RNF170: variants seen among roughly 807,000 people sequenced by gnomAD.
The protein encoded by RNF170 is ring finger protein 170.
RNF170 carries 12 observed loss-of-function variants against 32.7 expected under a neutral mutation model. The ratio of observed to expected loss-of-function variants is 0.37; its 90% CI spans 0.24 to 0.60. The LOEUF (loss-of-function observed/expected upper bound fraction) is 0.60. Among genes scored for constraint, RNF170 ranks in the 20% least tolerant of loss-of-function variants. The probability of loss-of-function intolerance (pLI) is 0.72; values close to 1 mark genes in which losing one functional copy is unlikely to be tolerated. For synonymous variants in RNF170, 91 were observed against 103.6 expected, an observed-to-expected ratio of 0.88 and a Z score of 0.74; for missense variants, 212 against 311.2, an observed-to-expected ratio of 0.68 and a Z score of 2.40.
At chr8:42,867,775 C>CAAAAAA (rs1054907767) in intron 4 of RNF170, among the ~76,000 whole-genome samples, 507 of 20,052 alleles carry the variant, frequency 0.025, no homozygotes, top group Middle Eastern at 0.075. Context: ...GACTCCATCT[C>CAAAAAA]AAAAAAAAAA....
At position 42,859,752 on chromosome 8, in the gene RNF170, A is replaced by G. The variant is rs1317824989; in HGVS notation, c.507+1993T>C. 2.6e-5 allele frequency among the ~76,000 whole-genome samples: 4 copies of G among 152,092 alleles called. No individual in the cohort carries two copies. In the East Asian group the frequency reaches 7.7e-4, roughly 29 times the overall value. On this transcript the variant is annotated intron_variant, in intron 6 of 6. Coordinates refer to ENST00000527424, the MANE Select transcript of RNF170 (RefSeq NM_030954.4). ...CAACCTCTGCCTCCCGGGCTCAAGC[A>G]GTCCTCCCACCTCAGCCTCCCAAGT...
rs925540955 is a variant in RNF170 at position 42,876,368 on chromosome 8, G to T, written c.138-2362C>A. 6.6e-5 allele frequency among the ~76,000 whole-genome samples: 10 copies of T among 151,984 alleles called. No individual in the cohort carries two copies. In the East Asian group the frequency reaches 1.9e-3, roughly 29 times the overall value. ...ACTGCCTGTAACTCCCATAATAATG[G>T]TATTTGGAGACAAAACCTTTGGGAG... On this transcript the variant is annotated intron_variant, in intron 2 of 6. Coordinates refer to ENST00000527424, the MANE Select transcript of RNF170 (RefSeq NM_030954.4).
At chr8:42,883,748 G>GT (rs1805600075) in intron 2 of RNF170, among the ~76,000 whole-genome samples, 1 of 151,846 alleles carries the variant, frequency 6.6e-6, no homozygotes, top group Non-Finnish European at 1.5e-5. Flanking sequence ...TTTTTAAAAA[G>GT]TTTAACATGA....
At chr8:42,895,826 G>A (rs1806767334) in intron 1 of RNF170, among the ~76,000 whole-genome samples, 1 of 152,216 alleles carries the variant, frequency 6.6e-6, no homozygotes, top group Non-Finnish European at 1.5e-5. Context: ...AGATGGTAAA[G>A]CTGTAAGGAA....
At chr8:42,872,109 T>G (rs913906497) in intron 3 of RNF170, among the ~76,000 whole-genome samples, 1 of 152,204 alleles carries the variant, frequency 6.6e-6, no homozygotes, top group Non-Finnish European at 1.5e-5. Context: ...CAGAACAGAC[T>G]ACATCGCCAG....
intron 2 of RNF170, among the ~76,000 whole-genome samples, chr8:42,876,845 C>T (rs1804978507): frequency 6.6e-6 from 1 of 151,754 alleles, no homozygotes; most frequent in Non-Finnish European, 1.5e-5. Flanking sequence ...TTACTAGAGA[C>T]AGGGTTTTAC....
At chr8:42,884,010 C>A (rs1805618777) in intron 2 of RNF170, among the ~76,000 whole-genome samples, 1 of 152,162 alleles carries the variant, frequency 6.6e-6, no homozygotes, top group African/African-American at 2.4e-5. Flanking sequence ...AAAATTTCAT[C>A]ATTTATCTCC....
At position 42,853,748 on chromosome 8, in the gene RNF170, G is replaced by A. The variant is rs960300342; in HGVS notation, c.*2411C>T. ...CAGATCCCTTCTGCATTTATCATCA[G>A]AGATCGGTAAAGATGACAACAAGCA... On this transcript the variant is annotated 3_prime_UTR_variant, in exon 7 of 7. Transcript: ENST00000527424. 1.6e-6 allele frequency: 2 copies of A among 1,287,172 alleles called. No individual in the cohort carries two copies. The highest frequency in any genetic ancestry group is 2.0e-6 in the Non-Finnish European group (2 of 988,666). 79.7% of individuals were successfully genotyped at this position (1,287,172 alleles called of 1,614,324 possible).
intron 4 of RNF170, among the ~76,000 whole-genome samples, chr8:42,869,033 C>T (rs1804327685): frequency 6.6e-6 from 1 of 152,082 alleles, no homozygotes; most frequent in African/African-American, 2.4e-5. Context: ...TCCTCAGCCT[C>T]CCCAGTAGCT....
At chr8:42,896,634 T>C (rs1806929116), upstream of RNF170, 1 of 452,890 alleles carries the variant, frequency 2.2e-6, no homozygotes, top group South Asian at 1.5e-5. Context: ...ACTGCCGAGC[T>C]TCCGCGAGGG....
chr8:42,896,859 A>T (rs1040162085), upstream of RNF170: 1,506 of 280,224 alleles, frequency 5.4e-3, 11 homozygotes, highest in Non-Finnish European at 7.5e-3. Flanking sequence ...GGCGCTGGGG[A>T]GGAGCGGTGT....
chr8:42,863,980 A>AGAGAGTGTGT (rs149654513), intron 5 of RNF170, among the ~76,000 whole-genome samples: 2 of 139,512 alleles, frequency 1.4e-5, no homozygotes, highest in Non-Finnish European at 3.1e-5. Context: ...AGAGAGAGAG[A>AGAGAGTGTGT]GTGTGTGTGT....
At chr8:42,851,948 A>G (rs571705512), downstream of RNF170, among the ~76,000 whole-genome samples, 4 of 152,220 alleles carry the variant, frequency 2.6e-5, no homozygotes, top group African/African-American at 7.2e-5. Flanking sequence ...GAGCATTTAA[A>G]TGGATGGATG....
intron 6 of RNF170, chr8:42,861,515 G>C (rs780087224): frequency 2.2e-6 from 1 of 463,904 alleles, no homozygotes; most frequent in African/African-American, 2.0e-5. Context: ...CAATTTTTTG[G>C]TGTTTTTTCT....
At chr8:42,870,845 G>A (rs1804468374) in intron 3 of RNF170, among the ~76,000 whole-genome samples, 1 of 152,086 alleles carries the variant, frequency 6.6e-6, no homozygotes, top group South Asian at 2.1e-4. Context: ...AGATATCAAA[G>A]ACCTCACTAG....
Position 42,853,478 on chromosome 8 carries a change from T to C in RNF170, c.*2681A>G, listed in dbSNP as rs1392222791. On this transcript the variant is annotated 3_prime_UTR_variant, in exon 7 of 7. Transcript: ENST00000527424. ...TGTACCTCTCAAACACTGAGAATTGTAGTAGTTGAAACCACTGTTCTAGTG... is the reference window on the plus strand; with the variant it reads ...TGTACCTCTCAAACACTGAGAATTGCAGTAGTTGAAACCACTGTTCTAGTG... 3 of 1,287,028 alleles carry C rather than the reference T, an allele frequency of 2.3e-6. No homozygotes were observed. The highest frequency in any genetic ancestry group is 3.0e-5 in the African/African-American group (2 of 65,788). The allele number at this position is 1,287,028 out of a possible 1,614,324, so 79.7% of individuals were successfully genotyped here.
intron 4 of RNF170, among the ~76,000 whole-genome samples, chr8:42,868,322 C>T (rs936043322): frequency 6.6e-6 from 1 of 152,140 alleles, no homozygotes; most frequent in African/African-American, 2.4e-5. Flanking sequence ...AAAGGGCCAA[C>T]ACAATTTACA....
At chr8:42,891,263 T>A (rs1309561362) in intron 1 of RNF170, among the ~76,000 whole-genome samples, 1 of 152,204 alleles carries the variant, frequency 6.6e-6, no homozygotes, top group Non-Finnish European at 1.5e-5. Flanking sequence ...GAGATATGAC[T>A]ATGATCTGGG....
At chr8:42,894,919 C>G (rs1806640759) in intron 1 of RNF170, among the ~76,000 whole-genome samples, 1 of 151,826 alleles carries the variant, frequency 6.6e-6, no homozygotes, top group Admixed American at 6.6e-5. Flanking sequence ...AAAAAAAGAC[C>G]ATTGAGAATA....
Sources: gnomAD v4.1 joint callset for allele counts (sites outside exome capture counted in the v4.1 genomes callset) on GRCh38, gnomAD v4.1.1 for gene constraint, MANE v1.5 for transcripts, NCBI Gene and HGNC (gene_info 2026-07-23, HGNC 2026-07-21) for gene names.